BBX: variants seen among roughly 807,000 people sequenced by gnomAD.
BBX encodes the protein HMG box transcription factor BBX.
Under a neutral mutation model 100.2 loss-of-function variants are expected in BBX, and 30 were observed. The ratio of observed to expected loss-of-function variants is 0.30; its 90% CI spans 0.22 to 0.41. The LOEUF (loss-of-function observed/expected upper bound fraction) is 0.41. Ranked by LOEUF, BBX falls within the 10% of genes least tolerant of loss-of-function variation. BBX has a pLI of 1.00. For synonymous variants in BBX, 376 were observed against 388.1 expected (o/e 0.97, Z 0.37); for missense variants, 1,023 against 1,129.8 (o/e 0.91, Z 1.35).
intron 10 of BBX, among the ~76,000 whole-genome samples, chr3:107,770,907 T>C (rs13324371): frequency 0.027 from 4,137 of 152,278 alleles, 67 homozygotes; most frequent in South Asian, 0.048. Context: ...CATCTGGTAT[T>C]TAATTCAATG....
chr3:107,805,218 A>T lies in BBX; in HGVS notation c.2739-152A>T, dbSNP rs1026923982. 14 of 861,388 alleles carry T rather than the reference A, an allele frequency of 1.6e-5. No individual in the cohort carries two copies. The African/African-American group carries it at 2.4e-4, about 14-fold the overall frequency. The allele number at this position is 861,388 out of a possible 1,614,324, so 53.4% of individuals were successfully genotyped here. A position where few individuals can be genotyped will look rare whatever the true frequency, so the allele number is the denominator to read the frequency against. On this transcript the variant is annotated intron_variant, in intron 17 of 17. Coordinates refer to ENST00000325805, the MANE Select transcript of BBX (RefSeq NM_001142568.3). ...ATAAGGAAGGGGACAGAAGAGAAAAAACTCTAAAGCAAAAACAGTTTTCAT... is the reference window on the plus strand; with the variant it reads ...ATAAGGAAGGGGACAGAAGAGAAAATACTCTAAAGCAAAAACAGTTTTCAT...
chr3:107,775,071 A>G (rs933102538), intron 12 of BBX, among the ~76,000 whole-genome samples: 4 of 152,214 alleles, frequency 2.6e-5, no homozygotes, highest in Admixed American at 6.5e-5. Flanking sequence ...TAACATTCAC[A>G]TTTTGATCAT....
At chr3:107,543,865 A>C (rs2049025831) in intron 2 of BBX, among the ~76,000 whole-genome samples, 2 of 152,228 alleles carry the variant, frequency 1.3e-5, no homozygotes, top group South Asian at 4.1e-4. Context: ...TAACAGATTT[A>C]GTTGTGAAAG....
chr3:107,540,033 T>C (rs929932815), intron 2 of BBX, among the ~76,000 whole-genome samples: 7 of 152,182 alleles, frequency 4.6e-5, no homozygotes, highest in South Asian at 2.1e-4. Context: ...CTGGTAAGAA[T>C]TGGGACAATT....
Position 107,773,736 on chromosome 3 carries a change from A to C in BBX, c.1915+100A>C. On this transcript the variant is annotated intron_variant, in intron 11 of 17. Transcript: ENST00000325805. The surrounding 1 kb of genome is among the most constrained non-coding windows in gnomAD (Gnocchi z 4.1). ...CTGCCATAAAAAACAATATGGTATC[A>C]AAATAATACCTTACATTTGTATATT... is the stretch of plus-strand genomic sequence containing the variant. The C allele has an allele frequency of 1.0e-6, 1 of 992,936 alleles. No homozygotes were observed. Among genetic ancestry groups the C allele is most frequent in the Non-Finnish European group, 1.5e-6 (1 of 683,778 alleles). 61.5% of individuals were successfully genotyped at this position (992,936 alleles called of 1,614,324 possible).
At chr3:107,739,827 T>A (rs1321474171) in intron 7 of BBX, among the ~76,000 whole-genome samples, 1 of 152,192 alleles carries the variant, frequency 6.6e-6, no homozygotes, top group Non-Finnish European at 1.5e-5. Context: ...AGTGGCATTG[T>A]ACCTACTTTA....
At chr3:107,564,830 A>G (rs934817704) in intron 2 of BBX, among the ~76,000 whole-genome samples, 18 of 152,298 alleles carry the variant, frequency 1.2e-4, no homozygotes, top group African/African-American at 3.9e-4. Flanking sequence ...GCTATTCTTG[A>G]ATATTCATTC....
At chr3:107,638,802 CACACACACACA>C (rs2057019685) in intron 2 of BBX, among the ~76,000 whole-genome samples, 1 of 111,098 alleles carries the variant, frequency 9.0e-6, no homozygotes. Context: ...CACACACACA[CACACACACACA>C]CACACACACA....
Position 107,537,171 on chromosome 3 carries a change from T to C in BBX, c.-84+10773T>C, listed in dbSNP as rs149614484. On this transcript the variant is annotated intron_variant, in intron 2 of 17. Coordinates refer to ENST00000325805, the MANE Select transcript of BBX (RefSeq NM_001142568.3). ...TTTTTTGGATAAAGATTTAAACATA[T>C]TAAAATTATATTTCAGTCAGGTGTT... Among the ~76,000 whole-genome samples the C allele has an allele frequency of 1.1e-4, 17 of 152,366 alleles. No homozygotes were observed. In the East Asian group the frequency reaches 2.9e-3, roughly 26 times the overall value.
At chr3:107,690,637 C>T (rs2060100358) in intron 3 of BBX, among the ~76,000 whole-genome samples, 1 of 151,582 alleles carries the variant, frequency 6.6e-6, no homozygotes, top group Non-Finnish European at 1.5e-5. Flanking sequence ...TACAGAGTAG[C>T]TTTTTTTTGG....
At chr3:107,652,849 CAT>C (rs2057919582) in intron 3 of BBX, among the ~76,000 whole-genome samples, 1 of 152,116 alleles carries the variant, frequency 6.6e-6, no homozygotes, top group Non-Finnish European at 1.5e-5. Context: ...AACACATAAA[CAT>C]ATGTATATAT....
chr3:107,535,408 C>T (rs894034446), intron 2 of BBX, among the ~76,000 whole-genome samples: 4 of 151,586 alleles, frequency 2.6e-5, no homozygotes, highest in Non-Finnish European at 4.4e-5. Context: ...TGTTTATAAA[C>T]TTAGTATATA....
intron 9 of BBX, among the ~76,000 whole-genome samples, chr3:107,750,864 A>G (rs970062715): frequency 2.0e-5 from 3 of 152,222 alleles, no homozygotes; most frequent in Non-Finnish European, 4.4e-5. Flanking sequence ...AGAAAATCCA[A>G]AGATTCTTGA....
At chr3:107,698,504 T>C (rs1330385675) in intron 3 of BBX, among the ~76,000 whole-genome samples, 1 of 151,252 alleles carries the variant, frequency 6.6e-6, no homozygotes, top group Non-Finnish European at 1.5e-5. Flanking sequence ...TAACAAAAAT[T>C]AGTCAGGTGT....
intron 3 of BBX, among the ~76,000 whole-genome samples, chr3:107,686,770 C>G (rs2059873688): frequency 6.6e-6 from 1 of 152,140 alleles, no homozygotes; most frequent in South Asian, 2.1e-4. Flanking sequence ...CTTGTCTGAG[C>G]TGCAGACAGT....
rs1278732607 is a variant in BBX, at chr3:107,670,142, TTTAAA to T, written c.-10+24236_-10+24240del. Among the ~76,000 whole-genome samples, 4 of 152,278 alleles carry T rather than the reference TTTAAA, an allele frequency of 2.6e-5. No homozygotes were observed. The South Asian group carries it at 6.2e-4, about 24-fold the overall frequency. ...ATTCACAGCATTTGAGGAAATGCAC[TTTAAA>T]TTGAGAGAAAATGTCAGTTAACAAA... is the stretch of plus-strand genomic sequence containing the variant. On this transcript the variant is annotated intron_variant, in intron 3 of 17. Transcript: ENST00000325805.
intron 2 of BBX, among the ~76,000 whole-genome samples, chr3:107,547,694 A>G (rs1553722864): frequency 6.6e-6 from 1 of 152,156 alleles, no homozygotes; most frequent in Non-Finnish European, 1.5e-5. Context: ...AACAAATATT[A>G]CTGGTAGATG....
chr3:107,594,216 C>T (rs1367380690), intron 2 of BBX, among the ~76,000 whole-genome samples: 1 of 152,110 alleles, frequency 6.6e-6, no homozygotes, highest in Admixed American at 6.6e-5. Flanking sequence ...GTTTCCCTTT[C>T]CTCCCCCTGT....
chr3:107,608,894 G>C (rs1039356094), intron 2 of BBX, among the ~76,000 whole-genome samples: 1 of 152,052 alleles, frequency 6.6e-6, no homozygotes, highest in Non-Finnish European at 1.5e-5. Flanking sequence ...ACTGATTTTA[G>C]TACACTGATC....
Sources: gnomAD v4.1 joint callset for allele counts (sites outside exome capture counted in the v4.1 genomes callset) on GRCh38, gnomAD v4.1.1 for gene constraint, Gnocchi (gnomAD v3.1) non-coding constraint, MANE v1.5 for transcripts, NCBI Gene and HGNC (gene_info 2026-07-23, HGNC 2026-07-21) for gene names.